The following NAALAD2 variants were observed in gnomAD, a reference collection of about 807,000 sequenced individuals.
The protein encoded by NAALAD2 is N-acetylated-alpha-linked acidic dipeptidase 2.
NAALAD2 carries 89 observed loss-of-function variants against 95.6 expected under a neutral mutation model. The ratio of observed to expected loss-of-function variants is 0.93; its 90% confidence interval spans 0.78 to 1.11. The LOEUF is 1.11. NAALAD2 is among the 50% of genes least tolerant of loss of function. NAALAD2 has a pLI of 0.00. For synonymous variants in NAALAD2, 264 were observed against 294.4 expected (o/e 0.90, Z 1.06); for missense variants, 894 against 872.4 (o/e 1.02, Z -0.31).
chr11:90,166,664 C>T (rs1952458882), intron 11 of NAALAD2, among the ~76,000 whole-genome samples: 2 of 151,630 alleles, frequency 1.3e-5, no homozygotes, highest in South Asian at 2.1e-4. Flanking sequence ...TGAAACCCCA[C>T]CTCTACTAAA....
chr11:90,145,239 C>G (rs1186266746), intron 2 of NAALAD2, among the ~76,000 whole-genome samples: 1 of 152,038 alleles, frequency 6.6e-6, no homozygotes, highest in Non-Finnish European at 1.5e-5. Flanking sequence ...ATATGTATGC[C>G]TGGCGCTGTA....
intron 18 of NAALAD2, among the ~76,000 whole-genome samples, chr11:90,183,982 C>T (rs1304254749): frequency 6.6e-6 from 1 of 152,074 alleles, no homozygotes; most frequent in East Asian, 1.9e-4. Context: ...TTTGGATGTT[C>T]TCCATTTTCT....
intron 16 of NAALAD2, among the ~76,000 whole-genome samples, chr11:90,181,138 A>G (rs1013945623): frequency 1.3e-5 from 2 of 152,140 alleles, no homozygotes; most frequent in Non-Finnish European, 2.9e-5. Flanking sequence ...TGACCAGATC[A>G]AATCTGATCC....
intron 2 of NAALAD2, among the ~76,000 whole-genome samples, chr11:90,140,724 G>T (rs979074620): frequency 6.6e-6 from 1 of 151,990 alleles, no homozygotes; most frequent in Non-Finnish European, 1.5e-5. Context: ...TTTTGATGAG[G>T]TTTAATTTAT....
chr11:90,158,374 A>G (rs891341175), intron 7 of NAALAD2, 136 bp downstream of exon 7: 4 of 621,242 alleles, frequency 6.4e-6, no homozygotes, highest in Middle Eastern at 4.3e-4. Context: ...GGAATAACAG[A>G]GTATACTATC....
chr11:90,159,509 C>T (rs918196839), intron 8 of NAALAD2, among the ~76,000 whole-genome samples, 172 bp downstream of exon 8: 2 of 152,216 alleles, frequency 1.3e-5, no homozygotes, highest in Middle Eastern at 6.8e-3. Context: ...ATTTCACTAG[C>T]AGCATCACAA....
intron 18 of NAALAD2, among the ~76,000 whole-genome samples, chr11:90,189,350 T>C (rs746867583): frequency 2.2e-4 from 33 of 152,186 alleles, no homozygotes; most frequent in Non-Finnish European, 4.1e-4. Flanking sequence ...ACAGCAGCAA[T>C]ATAAAATGAA....
At chr11:90,159,991 G>GCACTTGAGCCTGGCCAACAAGACT (rs1555120542) in intron 8 of NAALAD2, among the ~76,000 whole-genome samples, 2 of 150,520 alleles carry the variant, frequency 1.3e-5, no homozygotes, top group African/African-American at 2.4e-5. Flanking sequence ...GTGAAGTTAA[G>GCACTTGAGCCTGGCCAACAAGACT]GGAGAGGTAA....
Position 90,191,744 on chromosome 11 carries a change from A to G in NAALAD2, c.2220A>G (p.Leu740=), listed in dbSNP as rs370294777. The change falls in exon 19 of 19, where the codon TTA becomes TTG. Residue 740 remains leucine (L), a synonymous_variant. Coordinates refer to ENST00000534061, the MANE Select transcript of NAALAD2 (RefSeq NM_005467.4). ...QAAAGTLKEV[L] is the part of the protein sequence containing the mutation. Reference sequence around the variant, plus strand: ...CAGCAGGAACTCTGAAAGAAGTATTATAGAAGGTCTCAAGTGGCTAGCCAT... The same window carrying G: ...CAGCAGGAACTCTGAAAGAAGTATTGTAGAAGGTCTCAAGTGGCTAGCCAT... 5 of 1,560,850 alleles carry G rather than the reference A, an allele frequency of 3.2e-6. No homozygotes were observed. Among genetic ancestry groups the G allele is most frequent in the Non-Finnish European group, 4.3e-6 (5 of 1,154,710 alleles).
At chr11:90,133,060 A>G (rs1951376928), upstream of NAALAD2, among the ~76,000 whole-genome samples, 1 of 152,226 alleles carries the variant, frequency 6.6e-6, no homozygotes, top group Non-Finnish European at 1.5e-5. Flanking sequence ...ATTGATAGCC[A>G]TTGAAATACA....
At chr11:90,170,781 G>A (rs1001136620) in intron 13 of NAALAD2, among the ~76,000 whole-genome samples, 39 of 152,218 alleles carry the variant, frequency 2.6e-4, no homozygotes, top group Non-Finnish European at 1.5e-5. Flanking sequence ...GTAAGGGAGA[G>A]GGCATTCTAA....
chr11:90,160,765 C>A (rs767400457), intron 8 of NAALAD2, among the ~76,000 whole-genome samples: 7 of 152,078 alleles, frequency 4.6e-5, no homozygotes, highest in Non-Finnish European at 8.8e-5. Flanking sequence ...AGAGTAAACT[C>A]AAAAACATAA....
intron 1 of NAALAD2, 82 bp downstream of exon 1, chr11:90,134,922 G>A (rs1184293684): frequency 6.7e-6 from 10 of 1,503,024 alleles, no homozygotes; most frequent in African/African-American, 2.8e-5. Flanking sequence ...GGAGCTGGAA[G>A]GGATTGGGCT....
chr11:90,142,222 G>T (rs1263744211), intron 2 of NAALAD2, among the ~76,000 whole-genome samples: 1 of 151,918 alleles, frequency 6.6e-6, no homozygotes, highest in African/African-American at 2.4e-5. Flanking sequence ...TCACTAATTT[G>T]GGAGGGGGTC....
At chr11:90,152,607 G>T in intron 6 of NAALAD2, 123 bp downstream of exon 6, 1 of 623,960 alleles carries the variant, frequency 1.6e-6, no homozygotes, top group Non-Finnish European at 2.5e-6. Context: ...ATATCATTTT[G>T]GATTACTGCT....
Position 90,175,953 on chromosome 11 carries a change from G to GTGT in NAALAD2, c.1503-19_1503-18insTGT, listed in dbSNP as rs760379208. 3.9e-6 allele frequency: 4 copies of GTGT among 1,033,542 alleles called. No individual in the cohort carries two copies. Among genetic ancestry groups the GTGT allele is most frequent in the Admixed American group, 2.4e-5 (1 of 41,746 alleles). The allele number at this position is 1,033,542 out of a possible 1,614,324, so 64.0% of individuals were successfully genotyped here. On this transcript the variant is annotated intron_variant, in intron 14 of 18. Coordinates refer to ENST00000534061, the MANE Select transcript of NAALAD2 (RefSeq NM_005467.4). The stretch of plus-strand genomic sequence containing the variant: ...ATGTGTGTGTGTGTGTGTGTGTGTG[G>GTGT]ATTGCATTCTACATCTAGAATCAAT...
At position 90,179,162 on chromosome 11, in the gene NAALAD2, C is replaced by T. The variant is rs577154838; in HGVS notation, c.1858+1045C>T. 2.6e-5 allele frequency among the ~76,000 whole-genome samples: 4 copies of T among 152,278 alleles called. No homozygotes were observed. In the South Asian group the frequency reaches 8.3e-4, roughly 32 times the overall value. On this transcript the variant is annotated intron_variant, in intron 16 of 18. Coordinates refer to ENST00000534061, the MANE Select transcript of NAALAD2 (RefSeq NM_005467.4). Reference sequence around the variant, plus strand: ...AAGCTGTGGTGGGTAGCACTTAGTGCTCATTAAATATTACCTATTACTGTT... The same window carrying T: ...AAGCTGTGGTGGGTAGCACTTAGTGTTCATTAAATATTACCTATTACTGTT...
At chr11:90,154,141 T>C (rs747984107) in intron 6 of NAALAD2, among the ~76,000 whole-genome samples, 15 of 151,850 alleles carry the variant, frequency 9.9e-5, no homozygotes, top group Non-Finnish European at 1.8e-4. Context: ...TTTTTCTTTC[T>C]TTTTTGTATA....
chr11:90,163,738 C>T (rs1331208439), intron 11 of NAALAD2, 121 bp downstream of exon 11: 2 of 942,402 alleles, frequency 2.1e-6, no homozygotes, highest in Admixed American at 4.2e-5. Flanking sequence ...TGGAGAATGA[C>T]TCAAGACAAT....
Sources: allele counts gnomAD v4.1 joint callset (sites outside exome capture counted in the v4.1 genomes callset), GRCh38; gene constraint gnomAD v4.1.1; transcripts MANE v1.5; gene names NCBI Gene and HGNC (gene_info 2026-07-23, HGNC 2026-07-21).